FSIP1: variants seen among roughly 807,000 people sequenced by gnomAD.
The protein encoded by FSIP1 is fibrous sheath-interacting protein 1.
In FSIP1, 65 loss-of-function variants were observed where a neutral mutation model predicts 60.9. That is an observed-to-expected ratio of 1.07 (90% CI 0.87 to 1.31). FSIP1 has a LOEUF of 1.31. Among genes scored for constraint, FSIP1 ranks in the 40% most tolerant of loss-of-function variants. The pLI is 0.00. For missense variants in FSIP1, 675 were observed against 665.5 expected (o/e 1.01, Z -0.16); for synonymous variants, 209 against 221.2 (o/e 0.94, Z 0.49).
At position 39,600,755 on chromosome 15, in the gene FSIP1, T is replaced by G. The variant is rs1890609288; in HGVS notation, c.*125A>C. The G allele has an allele frequency of 1.5e-6, 1 of 670,036 alleles. No homozygotes were observed. The highest frequency in any genetic ancestry group is 3.1e-5 in the Admixed American group (1 of 32,664). 41.5% of individuals were successfully genotyped at this position (670,036 alleles called of 1,614,324 possible). ...GGAAATATAATCCACAAAGAGCGAC[T>G]CCAAATGTCAAAATCAATAAAGAAT... On this transcript the variant is annotated 3_prime_UTR_variant, in exon 12 of 12. Coordinates refer to ENST00000350221, the MANE Select transcript of FSIP1 (RefSeq NM_152597.5).
chr15:39,603,079 C>G (rs1890698884), intron 11 of FSIP1, among the ~76,000 whole-genome samples: 1 of 152,108 alleles, frequency 6.6e-6, no homozygotes, highest in Non-Finnish European at 1.5e-5. Context: ...CATTAAACAC[C>G]CGACAATGCA....
intron 10 of FSIP1, among the ~76,000 whole-genome samples, chr15:39,630,767 G>A (rs2898962): frequency 1.3e-5 from 2 of 152,028 alleles, no homozygotes; most frequent in Non-Finnish European, 2.9e-5. Flanking sequence ...TCTTCAGACA[G>A]ATGCTTACAA....
At chr15:39,620,769 T>C (rs1891412248) in intron 10 of FSIP1, among the ~76,000 whole-genome samples, 1 of 149,098 alleles carries the variant, frequency 6.7e-6, no homozygotes, top group Non-Finnish European at 1.5e-5. Flanking sequence ...TATATATATA[T>C]ATATATTTAT....
chr15:39,653,682 A>C (rs1039073431), intron 10 of FSIP1, among the ~76,000 whole-genome samples: 6 of 152,144 alleles, frequency 3.9e-5, no homozygotes, highest in African/African-American at 1.4e-4. Flanking sequence ...ATAACAGCGA[A>C]TGAGTCTCAA....
In FSIP1 at chr15:39,663,728, C is replaced by T. The variant is rs182845020; in HGVS notation, c.1189-45483G>A. On this transcript the variant is annotated intron_variant, in intron 10 of 11. Coordinates refer to ENST00000350221, the MANE Select transcript of FSIP1 (RefSeq NM_152597.5). ...ACAAAAGGGGTTGCAGAATTAAGTT[C>T]CAGGATAAAATACTGTCCAAGGGGA... is the stretch of plus-strand genomic sequence containing the variant. Among the ~76,000 whole-genome samples, 183 of 152,146 alleles carry T rather than the reference C, an allele frequency of 1.2e-3. 2 individuals carry two copies. Among genetic ancestry groups the T allele is most frequent in the African/African-American group, 4.4e-3 (181 of 41,522 alleles).
At chr15:39,667,238 C>T (rs966867467) in intron 10 of FSIP1, among the ~76,000 whole-genome samples, 4 of 151,796 alleles carry the variant, frequency 2.6e-5, no homozygotes, top group African/African-American at 4.9e-5. Context: ...TTTAATAAAT[C>T]AAAAGTACCA....
intron 9 of FSIP1, 46 bp from the exon 10 acceptor site, chr15:39,713,627 T>C (rs1209174192): frequency 6.4e-7 from 1 of 1,552,806 alleles, no homozygotes; most frequent in South Asian, 1.2e-5. Flanking sequence ...GCTGGAAATG[T>C]GCTGTCACAT....
intron 9 of FSIP1, among the ~76,000 whole-genome samples, chr15:39,723,387 C>T (rs1242070808): frequency 6.6e-6 from 1 of 152,170 alleles, no homozygotes; most frequent in Non-Finnish European, 1.5e-5. Context: ...TGCCACCACA[C>T]CTGGCTAATT....
At chr15:39,769,076 G>C (rs1022725470) in intron 3 of FSIP1, among the ~76,000 whole-genome samples, 1 of 151,976 alleles carries the variant, frequency 6.6e-6, no homozygotes, top group African/African-American at 2.4e-5. Context: ...TCAGGAGATC[G>C]AGACCATCCT....
chr15:39,660,440 T>A (rs1291920380), intron 10 of FSIP1, among the ~76,000 whole-genome samples: 3 of 152,244 alleles, frequency 2.0e-5, no homozygotes, highest in African/African-American at 7.2e-5. Flanking sequence ...GTATTTATGA[T>A]GTTGTAACAG....
chr15:39,774,047 A>C (rs1445061964), intron 2 of FSIP1, among the ~76,000 whole-genome samples: 1 of 152,240 alleles, frequency 6.6e-6, no homozygotes, highest in Non-Finnish European at 1.5e-5. Flanking sequence ...TTAAAAGTTA[A>C]TAGATCAACT....
At chr15:39,754,604 G>A (rs894349748) in intron 5 of FSIP1, among the ~76,000 whole-genome samples, 5 of 152,074 alleles carry the variant, frequency 3.3e-5, no homozygotes, top group African/African-American at 1.2e-4. Context: ...GGAACTCAAG[G>A]AAGAAGTGTA....
intron 3 of FSIP1, among the ~76,000 whole-genome samples, 158 bp downstream of exon 3, chr15:39,770,269 T>A (rs1044958690): frequency 3.3e-5 from 5 of 152,234 alleles, no homozygotes; most frequent in Admixed American, 3.3e-4. Context: ...AAATAAAAAG[T>A]GATTGCTTGC....
intron 10 of FSIP1, among the ~76,000 whole-genome samples, chr15:39,620,181 T>C (rs1412863287): frequency 6.6e-6 from 1 of 152,278 alleles, no homozygotes; most frequent in Non-Finnish European, 1.5e-5. Context: ...TGAGAAAGGA[T>C]GCCATAGGCT....
chr15:39,749,222 C>T (rs1897089629), intron 5 of FSIP1, among the ~76,000 whole-genome samples: 1 of 126,166 alleles, frequency 7.9e-6, no homozygotes, highest in African/African-American at 3.2e-5. Context: ...TTCCACCAAA[C>T]TCTCCAAGAA....
intron 10 of FSIP1, among the ~76,000 whole-genome samples, chr15:39,682,516 G>A (rs1364783925): frequency 6.6e-6 from 1 of 152,210 alleles, no homozygotes; most frequent in Non-Finnish European, 1.5e-5. Context: ...CCAGGAAGGG[G>A]TGAGGGGGTG....
intron 10 of FSIP1, among the ~76,000 whole-genome samples, chr15:39,694,263 T>A (rs144790198): frequency 6.6e-6 from 1 of 152,132 alleles, no homozygotes; most frequent in Non-Finnish European, 1.5e-5. Context: ...ACTAATTTAC[T>A]ATGAGTTATC....
At chr15:39,778,744 T>G (rs1411075403) in intron 1 of FSIP1, among the ~76,000 whole-genome samples, 3 of 152,180 alleles carry the variant, frequency 2.0e-5, no homozygotes, top group Non-Finnish European at 4.4e-5. Flanking sequence ...GTATCAGAAA[T>G]GTAATCTGTT....
intron 10 of FSIP1, among the ~76,000 whole-genome samples, chr15:39,703,753 A>G (rs1465966202): frequency 1.3e-5 from 2 of 152,172 alleles, no homozygotes; most frequent in Non-Finnish European, 2.9e-5. Context: ...ATTTTAAAAA[A>G]TAATAAATAA....
Sources: allele counts gnomAD v4.1 joint callset (sites outside exome capture counted in the v4.1 genomes callset), GRCh38; gene constraint gnomAD v4.1.1; transcripts MANE v1.5; gene names NCBI Gene and HGNC (gene_info 2026-07-23, HGNC 2026-07-21).